The following RIMBP2 variants were observed in gnomAD, a reference collection of about 807,000 sequenced individuals.
RIMBP2 encodes RIMS-binding protein 2.
A neutral mutation model predicts 118.6 loss-of-function variants in RIMBP2; 48 were observed. That is an observed-to-expected ratio of 0.40 (90% CI 0.32 to 0.51). The LOEUF is 0.51. Ranked by LOEUF, RIMBP2 falls within the 20% of genes least tolerant of loss-of-function variation. RIMBP2 has a pLI of 0.41. For missense variants in RIMBP2, 1,551 were observed against 1,768.3 expected, an observed-to-expected ratio of 0.88 and a Z score of 2.20; for synonymous variants, 762 against 742.9, an observed-to-expected ratio of 1.03 and a Z score of -0.42.
At chr12:130,686,050 C>G (rs1343776896) in intron 1 of RIMBP2, among the ~76,000 whole-genome samples, 1 of 152,054 alleles carries the variant, frequency 6.6e-6, no homozygotes, top group Non-Finnish European at 1.5e-5. Context: ...GTGGCCCCAG[C>G]GCCTCACACC....
At chr12:130,641,244 C>G (rs1013206942) in intron 1 of RIMBP2, among the ~76,000 whole-genome samples, 16 of 152,186 alleles carry the variant, frequency 1.1e-4, no homozygotes, top group Admixed American at 9.8e-4. Context: ...TGAGCCCTGA[C>G]CGCACTGCAA....
At chr12:130,512,523 A>G (rs2051022206) in intron 3 of RIMBP2, among the ~76,000 whole-genome samples, 1 of 152,142 alleles carries the variant, frequency 6.6e-6, no homozygotes, top group Non-Finnish European at 1.5e-5. Context: ...GGGTTTCTCC[A>G]TGTTGGCCAG....
At chr12:130,403,839 AATATT>A (rs1429682148) in intron 21 of RIMBP2, among the ~76,000 whole-genome samples, 4 of 152,220 alleles carry the variant, frequency 2.6e-5, no homozygotes, top group African/African-American at 9.6e-5. Context: ...GTGCCTTAAA[AATATT>A]ATATATGATG....
chr12:130,531,505 C>T (rs1369867574), intron 2 of RIMBP2, among the ~76,000 whole-genome samples: 3 of 152,210 alleles, frequency 2.0e-5, no homozygotes, highest in African/African-American at 7.2e-5. Context: ...AATAGCAGCC[C>T]TTCATTACTG....
At position 130,446,134 on chromosome 12, in the gene RIMBP2, A is replaced by C. The variant is rs2078507263; in HGVS notation, c.582-865T>G. ...ACTTGGAAAATCAAACACATGAAAC[A>C]AACCCAGATGAATTGGGGATTCTCT... On this transcript the variant is annotated intron_variant, in intron 9 of 22. Transcript: ENST00000690449. This position sits in a 1 kb window ranked among gnomAD's most constrained non-coding sequence, Gnocchi z 4.1. 6.6e-6 allele frequency among the ~76,000 whole-genome samples: 1 copy of C among 152,154 alleles called. No homozygotes were observed. Among genetic ancestry groups the C allele is most frequent in the Non-Finnish European group, 1.5e-5 (1 of 68,038 alleles).
At chr12:130,465,377 G>A (rs4759690) in intron 6 of RIMBP2, 43,012 of 152,378 alleles carry the variant, frequency 0.28, 7,364 homozygotes, top group Non-Finnish European at 0.36. Flanking sequence ...AACCACCACA[G>A]AGCTGCCGAC....
Position 130,683,624 on chromosome 12 carries a change from G to A in RIMBP2, c.-352+32598C>T, listed in dbSNP as rs1408249796. ...AAAAGACACAGGTCATAAAGACCTT[G>A]CGGATAAAACAGTTGCAGTAAACAA... On this transcript the variant is annotated intron_variant, in intron 1 of 22. Coordinates refer to ENST00000690449, the MANE Select transcript of RIMBP2 (RefSeq NM_001393629.1). This position sits in a 1 kb window ranked among gnomAD's most constrained non-coding sequence, Gnocchi z 4.4. Among the ~76,000 whole-genome samples, 4 of 152,168 alleles carry A rather than the reference G, an allele frequency of 2.6e-5. No homozygotes were observed. The highest frequency in any genetic ancestry group is 5.9e-5 in the Non-Finnish European group (4 of 68,028).
At chr12:130,398,955 G>T in intron 22 of RIMBP2, 1 of 356,234 alleles carries the variant, frequency 2.8e-6, no homozygotes, top group Admixed American at 4.3e-5. Flanking sequence ...CTGAGACCAA[G>T]TAATATTCTA....
intron 2 of RIMBP2, among the ~76,000 whole-genome samples, chr12:130,547,824 T>C (rs573860115): frequency 2.0e-5 from 3 of 152,332 alleles, no homozygotes; most frequent in African/African-American, 7.2e-5. Context: ...TTCATCTCAG[T>C]GAAGACGGAT....
intron 2 of RIMBP2, among the ~76,000 whole-genome samples, chr12:130,524,971 GC>G (rs1321706241): frequency 6.6e-6 from 1 of 152,208 alleles, no homozygotes; most frequent in African/African-American, 2.4e-5. Flanking sequence ...CCCACGTGAG[GC>G]CCGGTGGGAA....
chr12:130,638,765 A>T (rs374255275), intron 1 of RIMBP2, among the ~76,000 whole-genome samples: 2 of 145,124 alleles, frequency 1.4e-5, no homozygotes, highest in African/African-American at 5.0e-5. Context: ...GGAGATCGTT[A>T]AAAAAAAAAA....
At chr12:130,460,483 T>C (rs1407088404) in intron 6 of RIMBP2, among the ~76,000 whole-genome samples, 1 of 152,270 alleles carries the variant, frequency 6.6e-6, no homozygotes, top group Non-Finnish European at 1.5e-5. Context: ...TTTGTAGGAA[T>C]AGCATTGGTA....
chr12:130,462,449 G>A (rs746851149), intron 6 of RIMBP2, among the ~76,000 whole-genome samples: 2 of 152,200 alleles, frequency 1.3e-5, no homozygotes, highest in Admixed American at 1.3e-4. Flanking sequence ...CCCAAGGCAC[G>A]CTACTCGGCG....
rs151096394 is a variant in RIMBP2, at chr12:130,407,744, C to T, written c.3675G>A (p.Ser1225=). The change falls in exon 20 of 23, where the codon TCG becomes TCA. Residue 1225 remains serine (S), a synonymous_variant. Transcript: ENST00000690449. Reference sequence around the variant, plus strand: ...CTGGTACCTCGACATCGACGTTGGGCGAGCTTTCTCTGGGGTCGTAGTCAT... The same window carrying T: ...CTGGTACCTCGACATCGACGTTGGGTGAGCTTTCTCTGGGGTCGTAGTCAT... ...ALYDYDPRES[S]PNVDVEAELT... 140 of 1,613,776 alleles carry T rather than the reference C, an allele frequency of 8.7e-5. No individual in the cohort carries two copies. The highest frequency in any genetic ancestry group is 4.5e-5 in the East Asian group (2 of 44,888).
intron 4 of RIMBP2, among the ~76,000 whole-genome samples, chr12:130,485,377 G>A (rs1199447702): frequency 1.3e-5 from 2 of 152,216 alleles, no homozygotes; most frequent in African/African-American, 4.8e-5. Context: ...GAACATGGCC[G>A]ATGAGAATGT....
chr12:130,433,264 A>G (rs888199424), intron 14 of RIMBP2, among the ~76,000 whole-genome samples: 1 of 152,186 alleles, frequency 6.6e-6, no homozygotes, highest in African/African-American at 2.4e-5. Context: ...TGGTGGAAAG[A>G]GCCAATTCCA....
Position 130,481,905 on chromosome 12 carries a change from G to T in RIMBP2, c.-3-2889C>A, listed in dbSNP as rs138445325. Among the ~76,000 whole-genome samples the T allele has an allele frequency of 4.6e-3, 699 of 151,708 alleles. 6 individuals carry two copies. The highest frequency in any genetic ancestry group is 0.016 in the African/African-American group (667 of 41,454). On this transcript the variant is annotated intron_variant, in intron 4 of 22. Coordinates refer to ENST00000690449, the MANE Select transcript of RIMBP2 (RefSeq NM_001393629.1). ...CATTTCTAACGGTCTCTTTCCAAGA[G>T]CCTCAGTTTCCCCCCGACCCCCCAA...
chr12:130,673,619 TG>T (rs1381389522), intron 1 of RIMBP2, among the ~76,000 whole-genome samples: 2 of 152,288 alleles, frequency 1.3e-5, no homozygotes, highest in Admixed American at 6.5e-5. Flanking sequence ...GAAAGGCCAT[TG>T]CAGTAGAACT....
chr12:130,537,150 C>T (rs1345011268), intron 2 of RIMBP2, among the ~76,000 whole-genome samples: 2 of 152,094 alleles, frequency 1.3e-5, no homozygotes, highest in African/African-American at 4.8e-5. Context: ...AACAATGATG[C>T]CACCAGGGCC....
Sources: allele counts gnomAD v4.1 joint callset (sites outside exome capture counted in the v4.1 genomes callset), GRCh38; gene constraint gnomAD v4.1.1; non-coding constraint Gnocchi (gnomAD v3.1); transcripts MANE v1.5; gene names NCBI Gene and HGNC (gene_info 2026-07-23, HGNC 2026-07-21).